The following ROBO2 variants were observed in gnomAD, a reference collection of about 807,000 sequenced individuals.
ROBO2 encodes roundabout homolog 2.
Under a neutral mutation model 160.8 loss-of-function variants are expected in ROBO2, and 53 were observed. The ratio of observed to expected loss-of-function variants is 0.33; its 90% CI spans 0.26 to 0.41. The LOEUF (loss-of-function observed/expected upper bound fraction) is 0.41. Ranked by LOEUF, ROBO2 falls within the 10% of genes least tolerant of loss-of-function variation. The pLI, the probability that ROBO2 is intolerant of heterozygous loss-of-function variation, is 1.00. For missense variants in ROBO2, 1,577 were observed against 1,722.4 expected (o/e 0.92, Z 1.49); for synonymous variants, 664 against 611.7 (o/e 1.09, Z -1.26).
At chr3:75,952,493 TA>T (rs533320005) in intron 2 of ROBO2, among the ~76,000 whole-genome samples, 2 of 152,144 alleles carry the variant, frequency 1.3e-5, no homozygotes, top group East Asian at 3.9e-4. Context: ...ATTGACTTTT[TA>T]AAAGCAATTT....
intron 2 of ROBO2, among the ~76,000 whole-genome samples, chr3:77,410,478 C>A (rs1273753149): frequency 1.3e-5 from 2 of 151,194 alleles, no homozygotes; most frequent in Non-Finnish European, 3.0e-5. Flanking sequence ...CCTTCCCCTT[C>A]TCCCTCTTCT....
chr3:77,481,357 C>T, intron 4 of ROBO2, 138 bp downstream of exon 4: 1 of 602,908 alleles, frequency 1.7e-6, no homozygotes, highest in Non-Finnish European at 2.5e-6. Context: ...TTAGAATTAT[C>T]TTGTTTTCTG....
At chr3:76,793,923 T>C (rs892117879) in intron 2 of ROBO2, among the ~76,000 whole-genome samples, 7 of 152,092 alleles carry the variant, frequency 4.6e-5, no homozygotes, top group African/African-American at 1.7e-4. Flanking sequence ...CTTTATCCTA[T>C]TTGATTTTTT....
chr3:76,806,307 G>T (rs1286876786), intron 2 of ROBO2, among the ~76,000 whole-genome samples: 2 of 150,750 alleles, frequency 1.3e-5, no homozygotes, highest in African/African-American at 4.9e-5. Flanking sequence ...TTCTTGTCCT[G>T]CTTCCTCTTG....
At chr3:76,925,778 C>A (rs1032614976) in intron 2 of ROBO2, among the ~76,000 whole-genome samples, 4 of 152,000 alleles carry the variant, frequency 2.6e-5, no homozygotes, top group African/African-American at 9.7e-5. Context: ...ATCTGGTGAC[C>A]GAAACAAGTT....
intron 2 of ROBO2, among the ~76,000 whole-genome samples, chr3:76,883,395 C>T (rs954525582): frequency 1.3e-5 from 2 of 152,018 alleles, no homozygotes. Context: ...AGAAATGATC[C>T]TAAACTTTGT....
At chr3:76,805,768 C>T (rs745667930) in intron 2 of ROBO2, among the ~76,000 whole-genome samples, 51 of 151,288 alleles carry the variant, frequency 3.4e-4, no homozygotes, top group Non-Finnish European at 5.6e-4. Context: ...ACAGACTGAA[C>T]CTAAAATTTG....
chr3:76,159,800 C>A (rs763295864), intron 2 of ROBO2, among the ~76,000 whole-genome samples: 3 of 151,994 alleles, frequency 2.0e-5, no homozygotes, highest in Non-Finnish European at 4.4e-5. Context: ...AGGAATTGAG[C>A]CTTTGAAATA....
At chr3:76,465,958 G>A (rs1218940491) in intron 2 of ROBO2, among the ~76,000 whole-genome samples, 5 of 150,898 alleles carry the variant, frequency 3.3e-5, no homozygotes, top group Non-Finnish European at 5.9e-5. Context: ...TTTGATCTCT[G>A]TGCTCCTCAC....
At chr3:76,237,176 A>G (rs1026308343) in intron 2 of ROBO2, among the ~76,000 whole-genome samples, 2 of 152,164 alleles carry the variant, frequency 1.3e-5, no homozygotes, top group East Asian at 3.8e-4. Flanking sequence ...CAAGTAAATG[A>G]AATTTTCCAT....
intron 1 of ROBO2, among the ~76,000 whole-genome samples, chr3:77,092,991 AT>A (rs2070519648): frequency 6.6e-6 from 1 of 152,068 alleles, no homozygotes. Context: ...CTTGGTAAAT[AT>A]TTCAAGCTTC....
At chr3:76,273,100 CAT>C (rs1707680223) in intron 2 of ROBO2, among the ~76,000 whole-genome samples, 1 of 61,512 alleles carries the variant, frequency 1.6e-5, no homozygotes, top group Non-Finnish European at 3.1e-5. Flanking sequence ...AATACACACA[CAT>C]ATACACACAC....
At chr3:75,932,529 A>C (rs1159843549) in intron 1 of ROBO2, among the ~76,000 whole-genome samples, 1 of 152,194 alleles carries the variant, frequency 6.6e-6, no homozygotes, top group Non-Finnish European at 1.5e-5. Context: ...TTTCCTTACT[A>C]ATACCCCTGA....
At chr3:77,018,490 T>A (rs1234863992) in intron 2 of ROBO2, among the ~76,000 whole-genome samples, 2 of 152,228 alleles carry the variant, frequency 1.3e-5, no homozygotes, top group African/African-American at 4.8e-5. Context: ...AGGTTTCTTT[T>A]CTTACTTTTC....
At chr3:77,549,524 C>T (rs940290798) in intron 7 of ROBO2, among the ~76,000 whole-genome samples, 2 of 151,998 alleles carry the variant, frequency 1.3e-5, no homozygotes, top group African/African-American at 4.8e-5. Context: ...ACATTCCTGA[C>T]ATGCTAGCAA....
chr3:77,293,136 A>C (rs1167587431), intron 2 of ROBO2, among the ~76,000 whole-genome samples: 1 of 151,588 alleles, frequency 6.6e-6, no homozygotes, highest in African/African-American at 2.4e-5. Flanking sequence ...CCCAGACATA[A>C]AGTAAAATTG....
chr3:76,907,627 A>T (rs1348920970), intron 2 of ROBO2, among the ~76,000 whole-genome samples: 2 of 152,184 alleles, frequency 1.3e-5, no homozygotes, highest in Admixed American at 6.5e-5. Context: ...GATTCATTTA[A>T]CAATTTGATA....
intron 16 of ROBO2, among the ~76,000 whole-genome samples, chr3:77,588,298 G>C (rs1454411432): frequency 1.3e-5 from 2 of 152,024 alleles, no homozygotes; most frequent in East Asian, 3.8e-4. Flanking sequence ...TCAACATTAA[G>C]TTACATGTTC....
intron 2 of ROBO2, among the ~76,000 whole-genome samples, chr3:76,261,206 A>ACGAG: frequency 7.3e-6 from 1 of 136,768 alleles, no homozygotes; most frequent in East Asian, 2.1e-4. Flanking sequence ...GTGTGTGTAT[A>ACGAG]TATATATATA....
Sources: gnomAD v4.1 joint callset for allele counts (sites outside exome capture counted in the v4.1 genomes callset) on GRCh38, gnomAD v4.1.1 for gene constraint, MANE v1.5 for transcripts, NCBI Gene and HGNC (gene_info 2026-07-23, HGNC 2026-07-21) for gene names.